Variants in LRRC7 observed in about 807,000 individuals in gnomAD.
LRRC7 encodes the protein leucine-rich repeat-containing protein 7.
Under a neutral mutation model 175.7 loss-of-function variants are expected in LRRC7, and 23 were observed. That is an observed-to-expected ratio of 0.13 (90% confidence interval 0.09 to 0.19). The LOEUF (loss-of-function observed/expected upper bound fraction) is 0.19. Among genes scored for constraint, LRRC7 ranks in the 10% least tolerant of loss-of-function variants. The pLI is 1.00. For synonymous variants in LRRC7, 685 were observed against 680.9 expected, an observed-to-expected ratio of 1.01 and a Z score of -0.09; for missense variants, 1,354 against 1,904.7, an observed-to-expected ratio of 0.71 and a Z score of 5.38.
chr1:69,972,526 A>G (rs1055554416), intron 8 of LRRC7, among the ~76,000 whole-genome samples: 1 of 152,234 alleles, frequency 6.6e-6, no homozygotes, highest in African/African-American at 2.4e-5. Flanking sequence ...AATGCTCAAC[A>G]TCACTAGTGA....
At chr1:69,925,925 C>G in intron 7 of LRRC7, among the ~76,000 whole-genome samples, 1 of 145,776 alleles carries the variant, frequency 6.9e-6, no homozygotes. Flanking sequence ...CCTGCTTTGT[C>G]TTGTGGGCAT....
At chr1:69,697,115 T>TA (rs1662706244) in intron 2 of LRRC7, among the ~76,000 whole-genome samples, 1 of 152,216 alleles carries the variant, frequency 6.6e-6, no homozygotes, top group South Asian at 2.1e-4. Context: ...ATTTGTCTCA[T>TA]AAAATCTCTA....
At chr1:69,610,282 G>A (rs1014541511) in intron 1 of LRRC7, among the ~76,000 whole-genome samples, 3 of 151,906 alleles carry the variant, frequency 2.0e-5, no homozygotes, top group Non-Finnish European at 4.4e-5. Flanking sequence ...TGAACTGATG[G>A]TTAGATCTAA....
rs1377981657 is a variant in LRRC7, at chr1:70,108,165, A to T, written c.4620+339A>T. Among the ~76,000 whole-genome samples, 4 of 151,492 alleles carry T rather than the reference A, an allele frequency of 2.6e-5. No homozygotes were observed. The East Asian group carries it at 7.7e-4, about 29-fold the overall frequency. ...GTAAGAGTAAGTTCCCAAACACAGT[A>T]TGTGTGTGACTTTCATGAGGGAGAA... On this transcript the variant is annotated intron_variant, in intron 26 of 26. Coordinates refer to ENST00000651989, the MANE Select transcript of LRRC7 (RefSeq NM_001370785.2).
At chr1:69,711,925 A>T (rs994682278) in intron 2 of LRRC7, among the ~76,000 whole-genome samples, 1 of 152,158 alleles carries the variant, frequency 6.6e-6, no homozygotes, top group Non-Finnish European at 1.5e-5. Context: ...CAGGAAGTAT[A>T]TGCTGGTGAG....
intron 2 of LRRC7, among the ~76,000 whole-genome samples, chr1:69,692,298 C>G (rs1483599618): frequency 6.6e-6 from 1 of 152,172 alleles, no homozygotes; most frequent in Non-Finnish European, 1.5e-5. Context: ...CACCTCACTT[C>G]CTAACGGAGT....
chr1:69,945,433 G>T (rs1264370202), intron 8 of LRRC7, among the ~76,000 whole-genome samples: 1 of 152,060 alleles, frequency 6.6e-6, no homozygotes, highest in Non-Finnish European at 1.5e-5. Flanking sequence ...AGATCAGATA[G>T]TATGATGCCT....
intron 9 of LRRC7, 116 bp downstream of exon 9, chr1:69,980,569 A>G (rs1653318824): frequency 1.0e-5 from 8 of 800,510 alleles, no homozygotes; most frequent in Non-Finnish European, 1.6e-5. Context: ...AATAATACTC[A>G]TTAGGAGTGT....
chr1:69,840,334 G>A (rs115735755), intron 7 of LRRC7, among the ~76,000 whole-genome samples: 2,273 of 151,958 alleles, frequency 0.015, 47 homozygotes, highest in African/African-American at 0.051. Context: ...AAAGCTACAC[G>A]AGAGCATTAT....
intron 1 of LRRC7, among the ~76,000 whole-genome samples, chr1:69,666,864 G>T (rs1658344779): frequency 6.6e-6 from 1 of 151,560 alleles, no homozygotes; most frequent in Non-Finnish European, 1.5e-5. Context: ...AGTTTGGTTT[G>T]CTCTTGCTTT....
intron 25 of LRRC7, among the ~76,000 whole-genome samples, chr1:70,096,532 T>A (rs1489768121): frequency 6.6e-6 from 1 of 152,022 alleles, no homozygotes; most frequent in African/African-American, 2.4e-5. Context: ...TAAAGAAAAG[T>A]CATATTTATT....
At chr1:69,901,145 A>G (rs986366884) in intron 7 of LRRC7, among the ~76,000 whole-genome samples, 3 of 152,174 alleles carry the variant, frequency 2.0e-5, no homozygotes, top group African/African-American at 7.2e-5. Flanking sequence ...GAAGCAGCTG[A>G]AAGTGGAGGC....
At chr1:70,033,320 TA>T (rs1223369156) in intron 18 of LRRC7, among the ~76,000 whole-genome samples, 2 of 152,256 alleles carry the variant, frequency 1.3e-5, no homozygotes, top group Admixed American at 1.3e-4. Flanking sequence ...CACATAATGA[TA>T]AAAAATAAGG....
In LRRC7 at chr1:70,036,289, C is replaced by T. The variant is rs936421932; in HGVS notation, c.2107+57C>T. The T allele has an allele frequency of 1.4e-5, 21 of 1,465,456 alleles. No individual in the cohort carries two copies. In the South Asian group the frequency reaches 1.6e-4, roughly 11 times the overall value. The allele number at this position is 1,465,456 out of a possible 1,614,324, so 90.8% of individuals were successfully genotyped here. On this transcript the variant is annotated intron_variant, in intron 19 of 26. Coordinates refer to ENST00000651989, the MANE Select transcript of LRRC7 (RefSeq NM_001370785.2). ...CTACAAATGCATGTGCATGATGAAT[C>T]GCCAGTTGTAAATTATGATACACCA...
At chr1:69,664,810 G>T (rs1228793079) in intron 1 of LRRC7, among the ~76,000 whole-genome samples, 1 of 152,066 alleles carries the variant, frequency 6.6e-6, no homozygotes, top group African/African-American at 2.4e-5. Flanking sequence ...TTAACTTGAT[G>T]TGATCCTATT....
intron 10 of LRRC7, among the ~76,000 whole-genome samples, chr1:69,993,964 G>C (rs1442996095): frequency 6.6e-6 from 1 of 152,154 alleles, no homozygotes; most frequent in Non-Finnish European, 1.5e-5. Flanking sequence ...GATAATGAAA[G>C]ATAAATAGTT....
chr1:69,668,587 A>C (rs1263629970), intron 1 of LRRC7, among the ~76,000 whole-genome samples: 2 of 152,198 alleles, frequency 1.3e-5, no homozygotes, highest in Non-Finnish European at 2.9e-5. Flanking sequence ...GCTATTGTGA[A>C]TAGTGCTGCA....
rs750527702 is a variant in LRRC7, at chr1:70,016,456, T to C, written c.1251-9T>C. ...TACCCATGCTATTAGACTTTTTGTG[T>C]TTTTGCAGATTGAAGAATTTACCAT... On this transcript the variant is annotated splice_polypyrimidine_tract_variant and intron_variant, in intron 13 of 26. Transcript: ENST00000651989. The C allele has an allele frequency of 1.9e-6, 3 of 1,574,076 alleles. No individual in the cohort carries two copies. Among genetic ancestry groups the C allele is most frequent in the Non-Finnish European group, 2.6e-6 (3 of 1,162,064 alleles).
At chr1:69,796,449 C>A (rs1302685649) in intron 4 of LRRC7, among the ~76,000 whole-genome samples, 1 of 152,046 alleles carries the variant, frequency 6.6e-6, no homozygotes, top group African/African-American at 2.4e-5. Flanking sequence ...TTCCTCCCTA[C>A]TGCTGTACCC....
Sources: gnomAD v4.1 joint callset for allele counts (sites outside exome capture counted in the v4.1 genomes callset) on GRCh38, gnomAD v4.1.1 for gene constraint, MANE v1.5 for transcripts, NCBI Gene and HGNC (gene_info 2026-07-23, HGNC 2026-07-21) for gene names.